The following CTNNA1 variants were observed in gnomAD, a reference collection of about 807,000 sequenced individuals.
The protein encoded by CTNNA1 is catenin alpha-1.
Under a neutral mutation model 98.4 loss-of-function variants are expected in CTNNA1, and 37 were observed. The ratio of observed to expected loss-of-function variants is 0.38; its 90% CI spans 0.29 to 0.49. The LOEUF is 0.49. CTNNA1 is among the 20% of genes least tolerant of loss of function. The pLI, the probability that CTNNA1 is intolerant of heterozygous loss-of-function variation, is 0.95. For missense variants in CTNNA1, 761 were observed against 1,147.2 expected (o/e 0.66, Z 4.86); for synonymous variants, 404 against 413.2 (o/e 0.98, Z 0.27).
At chr5:138,864,694 G>A (rs974408060) in intron 7 of CTNNA1, among the ~76,000 whole-genome samples, 4 of 152,194 alleles carry the variant, frequency 2.6e-5, no homozygotes, top group Non-Finnish European at 4.4e-5. Flanking sequence ...AGTTATGTTC[G>A]ATTGCTCTCA....
At chr5:138,926,456 A>C (rs1032415549) in intron 13 of CTNNA1, among the ~76,000 whole-genome samples, 128 of 152,354 alleles carry the variant, frequency 8.4e-4, no homozygotes, top group Middle Eastern at 3.4e-3. Context: ...GCTGCCCTGC[A>C]ACAGGCGTCC....
intron 7 of CTNNA1, among the ~76,000 whole-genome samples, chr5:138,867,862 C>T (rs1191154026): frequency 6.6e-6 from 1 of 152,030 alleles, no homozygotes; most frequent in Middle Eastern, 3.2e-3. Flanking sequence ...AGCAATCCTC[C>T]TGCCTCAGCC....
In CTNNA1 at chr5:138,934,143, G is replaced by GT. The variant is rs1580948328; in HGVS notation, c.*56dup. The GT allele has an allele frequency of 8.7e-6, 12 of 1,371,716 alleles. No homozygotes were observed. In the East Asian group the frequency reaches 2.5e-4, roughly 29 times the overall value. The allele number at this position is 1,371,716 out of a possible 1,614,324, so 85.0% of individuals were successfully genotyped here. ...TCGGGGCTCCTGAATATCAGTCACT[G>GT]TTCGTCACTCAAATGAATTTGCTAA... On this transcript the variant is annotated 3_prime_UTR_variant, in exon 18 of 18. Transcript: ENST00000302763.
At chr5:138,899,486 C>T (rs1020286896) in intron 9 of CTNNA1, among the ~76,000 whole-genome samples, 3 of 152,168 alleles carry the variant, frequency 2.0e-5, no homozygotes, top group Admixed American at 6.5e-5. Flanking sequence ...CCTCCCTGAG[C>T]GAATGCTTAG....
chr5:138,825,481 A>ATTTTTTTTTTTTTT lies in CTNNA1; in HGVS notation c.858+682_858+683insTTTTTTTTTTTTTT, dbSNP rs1561565679. On this transcript the variant is annotated intron_variant, in intron 6 of 17. Transcript: ENST00000302763. ...GCTTCCAGTAGATGGCAGCAGTATAAGTTTTTTTTTTTTTTTTAGGGCTTT... is the reference window on the plus strand; with the variant it reads ...GCTTCCAGTAGATGGCAGCAGTATAATTTTTTTTTTTTTTGTTTTTTTTTTTTTTTTAGGGCTTT... Among the ~76,000 whole-genome samples the ATTTTTTTTTTTTTT allele has an allele frequency of 1.2e-3, 25 of 21,296 alleles. No individual in the cohort carries two copies. The East Asian group carries it at 0.019, about 16-fold the overall frequency. 14.0% of individuals were successfully genotyped at this position (21,296 alleles called of 152,430 possible).
intron 9 of CTNNA1, among the ~76,000 whole-genome samples, chr5:138,896,382 G>T (rs2150090473): frequency 6.6e-6 from 1 of 152,274 alleles, no homozygotes; most frequent in African/African-American, 2.4e-5. Flanking sequence ...ATTTTAATAA[G>T]AATCTTTTGT....
intron 3 of CTNNA1, among the ~76,000 whole-genome samples, chr5:138,804,685 G>A (rs1263945378): frequency 6.6e-6 from 1 of 152,030 alleles, no homozygotes; most frequent in African/African-American, 2.4e-5. Context: ...CTGTTTTTCA[G>A]TTGGTAGATG....
chr5:138,870,402 A>G (rs1340731360), intron 7 of CTNNA1: 2 of 152,238 alleles, frequency 1.3e-5, no homozygotes, highest in Non-Finnish European at 2.9e-5. Flanking sequence ...CACTTTTCTT[A>G]AAGGACATTA....
chr5:138,840,321 CT>C (rs1213994826), intron 7 of CTNNA1, among the ~76,000 whole-genome samples: 1 of 152,198 alleles, frequency 6.6e-6, no homozygotes, highest in Non-Finnish European at 1.5e-5. Flanking sequence ...AAGTGGCAGT[CT>C]CCATTTCCAG....
intron 7 of CTNNA1, among the ~76,000 whole-genome samples, chr5:138,831,339 C>T (rs530402654): frequency 1.3e-5 from 2 of 152,314 alleles, no homozygotes; most frequent in South Asian, 2.1e-4. Context: ...AAGATCCAAG[C>T]GTCAGTTATT....
intron 10 of CTNNA1, among the ~76,000 whole-genome samples, chr5:138,913,400 A>G (rs965509371): frequency 6.6e-6 from 1 of 152,084 alleles, no homozygotes; most frequent in Non-Finnish European, 1.5e-5. Context: ...CCTGACCAAT[A>G]TGGTGAAACC....
intron 1 of CTNNA1, among the ~76,000 whole-genome samples, chr5:138,774,549 C>G (rs981026307): frequency 2.6e-5 from 4 of 151,996 alleles, no homozygotes; most frequent in Non-Finnish European, 5.9e-5. Context: ...CCTAGTGGTC[C>G]CTGTCCCCAG....
intron 11 of CTNNA1, among the ~76,000 whole-genome samples, chr5:138,920,020 A>G (rs912678294): frequency 8.4e-6 from 1 of 119,078 alleles, no homozygotes; most frequent in Non-Finnish European, 1.6e-5. Context: ...CTTGTTGCCT[A>G]GGCTGGAGTG....
intron 1 of CTNNA1, among the ~76,000 whole-genome samples, chr5:138,773,757 C>CT (rs1406360069): frequency 6.6e-6 from 1 of 151,428 alleles, no homozygotes. Context: ...GTTGCCCAGG[C>CT]TGGAGTACAG....
Position 138,934,472 on chromosome 5 carries a change from C to T in CTNNA1, c.*383C>T, listed in dbSNP as rs1766114882. 1 of 192,354 alleles carries T rather than the reference C, an allele frequency of 5.2e-6. No individual in the cohort carries two copies. The highest frequency in any genetic ancestry group is 1.1e-5 in the Non-Finnish European group (1 of 93,908). The allele number at this position is 192,354 out of a possible 1,614,324, so 11.9% of individuals were successfully genotyped here. On this transcript the variant is annotated 3_prime_UTR_variant, in exon 18 of 18. Transcript: ENST00000302763. ...AGTTGAGAGGGTGCAGTCCAGACAG[C>T]TTGACTGCTTTTAAATGACCAAAGA...
At chr5:138,904,281 C>A in intron 9 of CTNNA1, 68 bp from the exon 10 acceptor site, 1 of 1,532,504 alleles carries the variant, frequency 6.5e-7, no homozygotes, top group South Asian at 1.3e-5. Flanking sequence ...GAGGTAGGGC[C>A]AGGTGTGTGT....
intron 7 of CTNNA1, among the ~76,000 whole-genome samples, chr5:138,860,394 A>T (rs1478222518): frequency 6.6e-6 from 1 of 152,188 alleles, no homozygotes; most frequent in Non-Finnish European, 1.5e-5. Context: ...TTGACACTTT[A>T]GGAATGCTGC....
chr5:138,813,650 A>G (rs7709770), intron 5 of CTNNA1, among the ~76,000 whole-genome samples: 112,840 of 152,092 alleles, frequency 0.74, 42,127 homozygotes, highest in East Asian at 0.99. Flanking sequence ...TTGAGGCAGG[A>G]GATCTCACTC....
At chr5:138,763,588 C>T (rs1306118324) in intron 1 of CTNNA1, among the ~76,000 whole-genome samples, 1 of 152,172 alleles carries the variant, frequency 6.6e-6, no homozygotes, top group Non-Finnish European at 1.5e-5. Flanking sequence ...AAGCGATCTG[C>T]CCACCTTGGC....
Sources: gnomAD v4.1 joint callset for allele counts (sites outside exome capture counted in the v4.1 genomes callset) on GRCh38, gnomAD v4.1.1 for gene constraint, MANE v1.5 for transcripts, NCBI Gene and HGNC (gene_info 2026-07-23, HGNC 2026-07-21) for gene names.